The following ALG14 variants were observed in gnomAD, a reference collection of about 807,000 sequenced individuals.
ALG14 encodes the protein UDP-N-acetylglucosamine transferase subunit ALG14.
In ALG14, 17 loss-of-function variants were observed where a neutral mutation model predicts 22.8. The ratio of observed to expected loss-of-function variants is 0.75; its 90% CI spans 0.51 to 1.12. The LOEUF (loss-of-function observed/expected upper bound fraction) is 1.12. Among genes scored for constraint, ALG14 ranks in the 50% most tolerant of loss-of-function variants. The pLI, the probability that ALG14 is intolerant of heterozygous loss-of-function variation, is 0.00. For synonymous variants in ALG14, 89 were observed against 103.7 expected, an observed-to-expected ratio of 0.86 and a Z score of 0.86; for missense variants, 288 against 271.8, an observed-to-expected ratio of 1.06 and a Z score of -0.42.
intron 1 of ALG14, among the ~76,000 whole-genome samples, chr1:95,071,147 G>A (rs1675548108): frequency 6.6e-6 from 1 of 152,216 alleles, no homozygotes; most frequent in Non-Finnish European, 1.5e-5. Flanking sequence ...CCCCAAGGTA[G>A]TAAGTGGCAG....
chr1:95,003,739 G>A (rs1238430450), intron 3 of ALG14, among the ~76,000 whole-genome samples: 2 of 152,052 alleles, frequency 1.3e-5, no homozygotes, highest in South Asian at 2.1e-4. Flanking sequence ...GGATTATAGG[G>A]ATGAGCCACC....
intron 2 of ALG14, among the ~76,000 whole-genome samples, chr1:95,041,250 G>A (rs970977676): frequency 1.3e-5 from 2 of 151,892 alleles, no homozygotes; most frequent in African/African-American, 4.8e-5. Context: ...TATGAATGAG[G>A]AAAAGTGCAC....
chr1:95,017,651 C>T (rs75415666), intron 3 of ALG14, among the ~76,000 whole-genome samples: 1,803 of 152,104 alleles, frequency 0.012, 18 homozygotes, highest in Middle Eastern at 0.048. Context: ...AGGAGGGCCA[C>T]GAGCATGTAT....
chr1:95,052,752 G>A (rs1385765950), intron 2 of ALG14, among the ~76,000 whole-genome samples: 3 of 151,406 alleles, frequency 2.0e-5, no homozygotes, highest in Non-Finnish European at 4.4e-5. Context: ...CAGCTACTCA[G>A]AGGCTGAAGC....
At position 94,981,447 on chromosome 1, in the gene ALG14, G is replaced by GTT. The variant is rs764201161; in HGVS notation, c.*1627_*1628dup. On this transcript the variant is annotated 3_prime_UTR_variant, in exon 4 of 4. Transcript: ENST00000370205. ...ATGATTCAGAGAAGACAGTTTTTTT[G>GTT]TTTTTTTTGCTTTTTTTTTTTAAAA... is the stretch of plus-strand genomic sequence containing the variant. The GTT allele has an allele frequency of 8.7e-6, 1 of 114,592 alleles. No homozygotes were observed. The highest frequency in any genetic ancestry group is 1.8e-5 in the Non-Finnish European group (1 of 55,794). 7.1% of individuals were successfully genotyped at this position (114,592 alleles called of 1,614,324 possible). A position where few individuals can be genotyped will look rare whatever the true frequency, so the allele number is the denominator to read the frequency against.
chr1:95,041,148 C>A (rs1459308756), intron 2 of ALG14, among the ~76,000 whole-genome samples: 1 of 152,088 alleles, frequency 6.6e-6, no homozygotes, highest in African/African-American at 2.4e-5. Flanking sequence ...CAAATATTTT[C>A]TTATTCAAAT....
chr1:95,044,664 G>T (rs756095739), intron 2 of ALG14, among the ~76,000 whole-genome samples: 1 of 151,974 alleles, frequency 6.6e-6, no homozygotes, highest in Non-Finnish European at 1.5e-5. Flanking sequence ...TGTGCAATCT[G>T]CCCCCACAGC....
chr1:94,992,181 C>G (rs1020937610), intron 3 of ALG14, among the ~76,000 whole-genome samples: 6 of 151,992 alleles, frequency 3.9e-5, no homozygotes, highest in Non-Finnish European at 1.5e-5. Flanking sequence ...TATTTATTAT[C>G]AAGTATTATG....
intron 3 of ALG14, among the ~76,000 whole-genome samples, chr1:95,002,712 A>AGT (rs1673099764): frequency 6.6e-6 from 1 of 152,204 alleles, no homozygotes; most frequent in Non-Finnish European, 1.5e-5. Flanking sequence ...AGTGAATTAA[A>AGT]GCAACGATAG....
chr1:95,053,091 G>C (rs910260003), intron 2 of ALG14, among the ~76,000 whole-genome samples: 9 of 152,076 alleles, frequency 5.9e-5, no homozygotes, highest in African/African-American at 1.9e-4. Flanking sequence ...AAACATGCTA[G>C]TTAGAAGACA....
At position 95,051,928 on chromosome 1, in the gene ALG14, C is replaced by T. The variant is rs148160032; in HGVS notation, c.288+12938G>A. On this transcript the variant is annotated intron_variant, in intron 2 of 3. Transcript: ENST00000370205. ...CCTCTTCTTAACAAGTTTTCACTAA[C>T]GCATTATAAATTTTACCTAATTATC... Among the ~76,000 whole-genome samples the T allele has an allele frequency of 9.6e-4, 146 of 152,290 alleles. 1 individual carries two copies. Among genetic ancestry groups the T allele is most frequent in the East Asian group, 8.7e-3 (45 of 5,192 alleles).
In ALG14 at chr1:94,975,341, T is replaced by C. The variant is rs559440382; in HGVS notation, c.*7735A>G. 6.6e-6 allele frequency: 1 copy of C among 152,370 alleles called. No individual in the cohort carries two copies. Among genetic ancestry groups the C allele is most frequent in the South Asian group, 2.1e-4 (1 of 4,832 alleles). The allele number at this position is 152,370 out of a possible 1,614,324, so 9.4% of individuals were successfully genotyped here. ...TGTATTAGTACTTCATTCCTTTGTG[T>C]GATCGAGTAATATTCCACTATATGG... On this transcript the variant is annotated 3_prime_UTR_variant, in exon 4 of 4. Transcript: ENST00000370205.
At chr1:94,992,429 A>G (rs147799858) in intron 3 of ALG14, among the ~76,000 whole-genome samples, 2 of 152,354 alleles carry the variant, frequency 1.3e-5, no homozygotes, top group Non-Finnish European at 1.5e-5. Context: ...ACAAGCAAGT[A>G]TCTGATGAAT....
chr1:95,036,383 T>C (rs1674194284), intron 2 of ALG14, among the ~76,000 whole-genome samples: 2 of 148,316 alleles, frequency 1.3e-5, no homozygotes, highest in South Asian at 4.3e-4. Flanking sequence ...TCCTGAGGCC[T>C]CCCCAGCCAT....
intron 2 of ALG14, among the ~76,000 whole-genome samples, chr1:95,046,287 G>A (rs571387679): frequency 6.6e-6 from 1 of 152,290 alleles, no homozygotes; most frequent in East Asian, 1.9e-4. Context: ...CGGGCTGCAC[G>A]GCAGCAGGTG....
chr1:95,006,234 T>A (rs1467915794), intron 3 of ALG14, among the ~76,000 whole-genome samples: 1 of 152,252 alleles, frequency 6.6e-6, no homozygotes, highest in African/African-American at 2.4e-5. Flanking sequence ...TGCCTGGGTA[T>A]GTACATATTG....
At chr1:95,059,966 A>G (rs1425749708) in intron 2 of ALG14, among the ~76,000 whole-genome samples, 1 of 151,898 alleles carries the variant, frequency 6.6e-6, no homozygotes, top group Non-Finnish European at 1.5e-5. Flanking sequence ...ACCTTTTCCT[A>G]GTCTGGTGAG....
chr1:94,998,309 G>A (rs1672959628), intron 3 of ALG14, among the ~76,000 whole-genome samples: 1 of 152,148 alleles, frequency 6.6e-6, no homozygotes, highest in South Asian at 2.1e-4. Context: ...TCCACTGGCT[G>A]TCTAACCCCA....
intron 2 of ALG14, among the ~76,000 whole-genome samples, chr1:95,029,250 G>C (rs1022927374): frequency 1.2e-4 from 18 of 152,176 alleles, no homozygotes; most frequent in African/African-American, 3.9e-4. Context: ...GGTGTCCTTA[G>C]TTCCTTGCCA....
Sources: allele counts gnomAD v4.1 joint callset (sites outside exome capture counted in the v4.1 genomes callset), GRCh38; gene constraint gnomAD v4.1.1; transcripts MANE v1.5; gene names NCBI Gene and HGNC (gene_info 2026-07-23, HGNC 2026-07-21).